The following ATP8A2 variants were observed in gnomAD, a reference collection of about 807,000 sequenced individuals.
ATP8A2 encodes the protein ATPase phospholipid transporting 8A2.
In ATP8A2, 100 loss-of-function variants were observed where a neutral mutation model predicts 165.6. The ratio of observed to expected loss-of-function variants is 0.60; its 90% CI spans 0.51 to 0.71. ATP8A2 has a LOEUF of 0.71. Among genes scored for constraint, ATP8A2 ranks in the 30% least tolerant of loss-of-function variants. The pLI is 0.00. For missense variants in ATP8A2, 1,227 were observed against 1,479.5 expected, an observed-to-expected ratio of 0.83 and a Z score of 2.80; for synonymous variants, 543 against 548.8, an observed-to-expected ratio of 0.99 and a Z score of 0.15.
At chr13:25,790,384 A>G (rs1443898512) in intron 27 of ATP8A2, among the ~76,000 whole-genome samples, 2 of 152,114 alleles carry the variant, frequency 1.3e-5, no homozygotes, top group Non-Finnish European at 2.9e-5. Flanking sequence ...CAGGAAAAAA[A>G]GAACAACCCC....
chr13:25,474,570 G>GAAA (rs78146000), intron 2 of ATP8A2, among the ~76,000 whole-genome samples: 1 of 113,452 alleles, frequency 8.8e-6, no homozygotes, highest in African/African-American at 3.2e-5. Flanking sequence ...TCAAAAAAAA[G>GAAA]AAAAAAAAAA....
At chr13:25,749,206 C>A (rs1287162718) in intron 25 of ATP8A2, among the ~76,000 whole-genome samples, 1 of 152,130 alleles carries the variant, frequency 6.6e-6, no homozygotes, top group African/African-American at 2.4e-5. Context: ...AGAGAACAGA[C>A]CTTTGCCTTG....
intron 19 of ATP8A2, among the ~76,000 whole-genome samples, chr13:25,575,206 T>C (rs975735574): frequency 1.3e-5 from 2 of 152,190 alleles, no homozygotes; most frequent in African/African-American, 2.4e-5. Context: ...CCAAGTCCCA[T>C]GAGGTCATTC....
intron 24 of ATP8A2, among the ~76,000 whole-genome samples, chr13:25,595,184 A>G: frequency 6.6e-6 from 1 of 152,188 alleles, no homozygotes. Context: ...AACGTGTTTC[A>G]ACGTATGGAA....
At chr13:25,503,862 A>C (rs923005152) in intron 2 of ATP8A2, among the ~76,000 whole-genome samples, 2 of 152,328 alleles carry the variant, frequency 1.3e-5, no homozygotes, top group East Asian at 3.9e-4. Flanking sequence ...GTGTGTGCGC[A>C]CACACTGGGT....
chr13:25,497,962 A>AAATAAT (rs532053837), intron 2 of ATP8A2, among the ~76,000 whole-genome samples: 12 of 151,558 alleles, frequency 7.9e-5, no homozygotes, highest in Middle Eastern at 3.4e-3. Flanking sequence ...ATTCCGTCTC[A>AAATAAT]AATAATAATA....
chr13:25,490,728 TTTTTTTTTG>T (rs1391854080), intron 2 of ATP8A2, among the ~76,000 whole-genome samples: 30 of 4,312 alleles, frequency 7.0e-3, no homozygotes, highest in African/African-American at 0.025. Context: ...GTTTTTTTGT[TTTTTTTTTG>T]TTTGTTTGTT....
intron 1 of ATP8A2, among the ~76,000 whole-genome samples, chr13:25,388,252 C>T (rs2033125138): frequency 6.6e-6 from 1 of 152,014 alleles, no homozygotes; most frequent in Non-Finnish European, 1.5e-5. Context: ...AAGCTGGCTC[C>T]TGGGGGAGAA....
chr13:25,491,075 T>G (rs2036515179), intron 2 of ATP8A2, among the ~76,000 whole-genome samples: 1 of 152,222 alleles, frequency 6.6e-6, no homozygotes, highest in Non-Finnish European at 1.5e-5. Context: ...GCAGATATAG[T>G]GTGTATATAT....
chr13:25,702,595 A>T (rs1248168384), intron 25 of ATP8A2, among the ~76,000 whole-genome samples: 2 of 152,166 alleles, frequency 1.3e-5, no homozygotes, highest in African/African-American at 4.8e-5. Context: ...AGTGTCATGG[A>T]TGAATAAGGA....
At chr13:25,538,524 C>T (rs955978034) in intron 7 of ATP8A2, among the ~76,000 whole-genome samples, 11 of 152,210 alleles carry the variant, frequency 7.2e-5, no homozygotes, top group African/African-American at 2.7e-4. Flanking sequence ...GTTTGCTCTT[C>T]ATCCATCCAT....
intron 25 of ATP8A2, among the ~76,000 whole-genome samples, chr13:25,762,343 T>C (rs1393070074): frequency 1.0e-5 from 1 of 100,194 alleles, no homozygotes; most frequent in East Asian, 2.9e-4. Flanking sequence ...TTGTAGAAAA[T>C]AGAATCAAGA....
Position 25,965,216 on chromosome 13 carries a change from T to C in ATP8A2, c.3273-3359T>C, listed in dbSNP as rs80000519. Among the ~76,000 whole-genome samples, 168 of 152,340 alleles carry C rather than the reference T, an allele frequency of 1.1e-3. 1 individual carries two copies. The highest frequency in any genetic ancestry group is 2.0e-3 in the Non-Finnish European group (135 of 68,022). The stretch of plus-strand genomic sequence containing the variant: ...AGGCAGGCCTGCCTTTTCAAGTATA[T>C]TTCTGTGAGCACTGAAGAAAGTGAG... On this transcript the variant is annotated intron_variant, in intron 34 of 36. Coordinates refer to ENST00000381655, the MANE Select transcript of ATP8A2 (RefSeq NM_016529.6).
rs570005129 is a variant in ATP8A2 at position 25,957,116 on chromosome 13, T to A, written c.3184-4459T>A. Among the ~76,000 whole-genome samples, 23 of 152,180 alleles carry A rather than the reference T, an allele frequency of 1.5e-4. 1 individual carries two copies. In the South Asian group the frequency reaches 4.4e-3, roughly 29 times the overall value. ...CCTTCCTCACACCTTATACAAAAAA[T>A]TAACTTAAGATGGATTAAAGACTTA... On this transcript the variant is annotated intron_variant, in intron 33 of 36. Transcript: ENST00000381655.
chr13:25,500,211 G>A (rs2036811376), intron 2 of ATP8A2, among the ~76,000 whole-genome samples: 1 of 152,142 alleles, frequency 6.6e-6, no homozygotes, highest in African/African-American at 2.4e-5. Flanking sequence ...AGGCACAATA[G>A]GGTGAGCGAG....
intron 1 of ATP8A2, among the ~76,000 whole-genome samples, chr13:25,408,953 A>C (rs911394101): frequency 1.3e-5 from 2 of 152,248 alleles, no homozygotes; most frequent in Non-Finnish European, 2.9e-5. Context: ...GAAATAAAGC[A>C]TTGTTGTGAT....
At chr13:25,847,169 T>C (rs2138692188) in intron 30 of ATP8A2, among the ~76,000 whole-genome samples, 1 of 152,324 alleles carries the variant, frequency 6.6e-6, no homozygotes, top group Non-Finnish European at 1.5e-5. Context: ...TAGTGGAACT[T>C]GCTCCCTAAG....
intron 24 of ATP8A2, among the ~76,000 whole-genome samples, chr13:25,601,868 A>T (rs762692513): frequency 5.3e-5 from 8 of 152,188 alleles, no homozygotes; most frequent in Admixed American, 1.3e-4. Flanking sequence ...ACAAAAGCTC[A>T]TGGTCCGTTG....
At chr13:25,763,260 T>C (rs1267759476) in intron 25 of ATP8A2, among the ~76,000 whole-genome samples, 2 of 152,160 alleles carry the variant, frequency 1.3e-5, no homozygotes, top group African/African-American at 2.4e-5. Flanking sequence ...TCAAAATACG[T>C]CCCACCTTAG....
Sources: allele counts gnomAD v4.1 joint callset (sites outside exome capture counted in the v4.1 genomes callset), GRCh38; gene constraint gnomAD v4.1.1; transcripts MANE v1.5; gene names NCBI Gene and HGNC (gene_info 2026-07-23, HGNC 2026-07-21).